Variants in GALNT13 observed in about 807,000 individuals in gnomAD.
GALNT13 encodes the protein UDP-GalNAc:polypeptide N-acetylgalactosaminyltransferase 13.
GALNT13 carries 28 observed loss-of-function variants against 64.2 expected under a neutral mutation model. That is an observed-to-expected ratio of 0.44 (90% CI 0.32 to 0.60). The LOEUF is 0.60. GALNT13 is among the 20% of genes least tolerant of loss of function. The pLI is 0.05. For synonymous variants in GALNT13, 214 were observed against 224.6 expected, an observed-to-expected ratio of 0.95 and a Z score of 0.42; for missense variants, 577 against 669.8, an observed-to-expected ratio of 0.86 and a Z score of 1.53.
the GALNT13 span, among the ~76,000 whole-genome samples, chr2:153,227,539 G>A: frequency 2.5e-3 from 381 of 152,284 alleles, no homozygotes; most frequent in African/African-American, 8.4e-3. Flanking sequence ...GTGGGTGAGA[G>A]TTGGCGTGGT....
the GALNT13 span, among the ~76,000 whole-genome samples, chr2:153,352,605 C>A: frequency 2.6e-5 from 4 of 151,548 alleles, no homozygotes; most frequent in Admixed American, 2.0e-4. Flanking sequence ...ACATTTAGTT[C>A]TGTGATCCTT....
chr2:153,348,822 C>G, the GALNT13 span, among the ~76,000 whole-genome samples: 1 of 152,050 alleles, frequency 6.6e-6, no homozygotes, highest in African/African-American at 2.4e-5. Context: ...TAATTGTTGC[C>G]CGGTCCCCAG....
chr2:153,833,453 G>A, the GALNT13 span, among the ~76,000 whole-genome samples: 1 of 152,040 alleles, frequency 6.6e-6, no homozygotes, highest in Non-Finnish European at 1.5e-5. Flanking sequence ...TGTAACTTGA[G>A]GTTGCTAAGA....
the GALNT13 span, among the ~76,000 whole-genome samples, chr2:153,272,986 A>G: frequency 6.6e-6 from 1 of 152,192 alleles, no homozygotes; most frequent in Non-Finnish European, 1.5e-5. Flanking sequence ...TGAAGCTGCA[A>G]TCCATGAATC....
At chr2:153,077,017 T>C in the GALNT13 span, among the ~76,000 whole-genome samples, 9 of 152,230 alleles carry the variant, frequency 5.9e-5, no homozygotes, top group South Asian at 1.9e-3. Context: ...AGTGGCATGA[T>C]CTTGGCTCAC....
chr2:153,417,316 G>C, the GALNT13 span, among the ~76,000 whole-genome samples: 2 of 152,274 alleles, frequency 1.3e-5, no homozygotes, highest in South Asian at 4.1e-4. Context: ...GTAGGGCCTT[G>C]CAGGCCCAGT....
the GALNT13 span, among the ~76,000 whole-genome samples, chr2:153,233,788 G>A: frequency 6.6e-6 from 1 of 152,158 alleles, no homozygotes; most frequent in Admixed American, 6.6e-5. Flanking sequence ...CTGACATTAG[G>A]TTTGTAGCAG....
intron 3 of GALNT13, among the ~76,000 whole-genome samples, chr2:153,986,460 T>C (rs1281080210): frequency 6.6e-6 from 1 of 152,018 alleles, no homozygotes; most frequent in Non-Finnish European, 1.5e-5. Context: ...ATATTGATAC[T>C]GGGATTTGAT....
the GALNT13 span, among the ~76,000 whole-genome samples, chr2:153,309,725 G>A: frequency 6.6e-6 from 1 of 151,604 alleles, no homozygotes; most frequent in Admixed American, 6.6e-5. Context: ...ATTTTTTTAA[G>A]TTAAAATTCA....
the GALNT13 span, among the ~76,000 whole-genome samples, chr2:153,370,058 C>T: frequency 6.6e-6 from 1 of 152,092 alleles, no homozygotes; most frequent in African/African-American, 2.4e-5. Flanking sequence ...TAAGGAGATA[C>T]TACAAAGAAT....
intron 3 of GALNT13, among the ~76,000 whole-genome samples, chr2:154,027,505 C>T (rs1698056424): frequency 6.6e-6 from 1 of 152,114 alleles, no homozygotes; most frequent in Non-Finnish European, 1.5e-5. Context: ...ATAGATGAGT[C>T]ACACTTCAGA....
chr2:153,672,446 A>G, the GALNT13 span, among the ~76,000 whole-genome samples: 1 of 152,196 alleles, frequency 6.6e-6, no homozygotes, highest in Non-Finnish European at 1.5e-5. Flanking sequence ...CTGCTCCTGA[A>G]TGACTACTGG....
At chr2:154,286,933 A>G in intron 8 of GALNT13, 1 of 523,858 alleles carries the variant, frequency 1.9e-6, no homozygotes, top group Admixed American at 2.8e-5. Context: ...AGAGGACTAC[A>G]ATGACTCTGT....
the GALNT13 span, among the ~76,000 whole-genome samples, chr2:153,459,578 A>G: frequency 1.8e-4 from 28 of 152,230 alleles, no homozygotes; most frequent in Admixed American, 3.3e-4. Context: ...ATCTGACAAA[A>G]ATACAAAGCG....
the GALNT13 span, among the ~76,000 whole-genome samples, chr2:153,724,096 C>T: frequency 2.2e-5 from 3 of 137,766 alleles, no homozygotes; most frequent in South Asian, 2.4e-4. Context: ...GGTACTGGTA[C>T]CAAAACAGAC....
In GALNT13 at chr2:153,916,361, T is replaced by TG. The variant is rs562675887; in HGVS notation, c.-105+15355dup. The stretch of plus-strand genomic sequence containing the variant: ...TAGTAGCAATGAGGTCTCACTATGT[T>TG]GCCCAGGCTGGTCTCGAACTCCTGG... On this transcript the variant is annotated intron_variant, in intron 2 of 12. Transcript: ENST00000392825. Among the ~76,000 whole-genome samples the TG allele has an allele frequency of 4.1e-3, 617 of 152,182 alleles. 3 individuals carry two copies. Among genetic ancestry groups the TG allele is most frequent in the African/African-American group, 0.014 (590 of 41,520 alleles).
the GALNT13 span, among the ~76,000 whole-genome samples, chr2:153,345,304 C>G: frequency 6.6e-6 from 1 of 152,044 alleles, no homozygotes; most frequent in East Asian, 1.9e-4. Flanking sequence ...GTTGAGTTTG[C>G]CTGTAGAGTA....
chr2:153,260,276 G>T, the GALNT13 span, among the ~76,000 whole-genome samples: 1 of 152,056 alleles, frequency 6.6e-6, no homozygotes, highest in Admixed American at 6.6e-5. Context: ...TTCTGCATAC[G>T]TACCATTACC....
At chr2:154,392,467 T>C (rs1698841638) in intron 9 of GALNT13, among the ~76,000 whole-genome samples, 1 of 152,194 alleles carries the variant, frequency 6.6e-6, no homozygotes, top group African/African-American at 2.4e-5. Context: ...TCCTTTATAT[T>C]ATCTGGTTGG....
Sources: gnomAD v4.1 joint callset for allele counts (sites outside exome capture counted in the v4.1 genomes callset) on GRCh38, gnomAD v4.1.1 for gene constraint, MANE v1.5 for transcripts, NCBI Gene and HGNC (gene_info 2026-07-23, HGNC 2026-07-21) for gene names.